EBF4: variants seen among roughly 807,000 people sequenced by gnomAD.
EBF4 encodes the protein EBF transcription factor 4.
In EBF4, 34 loss-of-function variants were observed where a neutral mutation model predicts 67.1. That is an observed-to-expected ratio of 0.51 (90% CI 0.39 to 0.67). The LOEUF is 0.67. EBF4 is among the 30% of genes least tolerant of loss of function. The pLI is 0.00. For synonymous variants in EBF4, 387 were observed against 377.7 expected (o/e 1.02, Z -0.29); for missense variants, 837 against 873.3 (o/e 0.96, Z 0.52).
chr20:2,712,159 G>A (rs2087552991), intron 6 of EBF4, among the ~76,000 whole-genome samples: 1 of 152,198 alleles, frequency 6.6e-6, no homozygotes, highest in Non-Finnish European at 1.5e-5. Flanking sequence ...GCAGGACATG[G>A]AAGCCATTGA....
intron 6 of EBF4, among the ~76,000 whole-genome samples, chr20:2,724,270 T>C (rs535358606): frequency 1.5e-4 from 23 of 152,352 alleles, no homozygotes; most frequent in African/African-American, 5.5e-4. Flanking sequence ...ACCAGTACAC[T>C]ACTGATCTTA....
At chr20:2,748,068 G>A (rs183637953) in intron 6 of EBF4, among the ~76,000 whole-genome samples, 1 of 152,284 alleles carries the variant, frequency 6.6e-6, no homozygotes, top group Admixed American at 6.5e-5. Context: ...TTGTATAACA[G>A]ATGTGCTATA....
At chr20:2,753,961 C>CCCCCTTGGTTTTGAAACTTT (rs3842432) in intron 14 of EBF4, among the ~76,000 whole-genome samples, 132,106 of 151,450 alleles carry the variant, frequency 0.87, 57,638 homozygotes, top group African/African-American at 0.9. Context: ...TCTGTGGGCA[C>CCCCCTTGGTTTTGAAACTTT]CCCCTTGGGC....
At chr20:2,733,506 G>A (rs978097142) in intron 6 of EBF4, among the ~76,000 whole-genome samples, 15 of 152,018 alleles carry the variant, frequency 9.9e-5, no homozygotes, top group African/African-American at 3.4e-4. Flanking sequence ...ATATTTTTCT[G>A]TCCTGTTCCA....
In EBF4 at chr20:2,708,765, C is replaced by A. The variant is rs151231622; in HGVS notation, c.488+745C>A. Among the ~76,000 whole-genome samples the A allele has an allele frequency of 2.6e-4, 40 of 152,220 alleles. No homozygotes were observed. The East Asian group carries it at 7.4e-3, about 28-fold the overall frequency. On this transcript the variant is annotated intron_variant, in intron 5 of 16. Coordinates refer to ENST00000609451, the Ensembl canonical transcript of EBF4. ...TAAAATAAATTTAAATTAAATAAAT[C>A]TGTGGTTGGAACTGTGGCTACCCTT...
chr20:2,752,448 TG>T lies in EBF4; in HGVS notation c.1445del (p.Gly482AlafsTer65). Reference sequence around the variant, plus strand: ...GCGGCTACGGCGGCGGCCTCGGAGCTGGCCTGGGCGGCTACGGCGCGCCGGG... The same window carrying T: ...GCGGCTACGGCGGCGGCCTCGGAGCTGCCTGGGCGGCTACGGCGCGCCGGG... On this transcript the variant is annotated frameshift_variant, in exon 14 of 17. Coordinates refer to ENST00000609451, the Ensembl canonical transcript of EBF4. LOFTEE classifies it high-confidence loss of function. 1 of 1,275,386 alleles carries T rather than the reference TG, an allele frequency of 7.8e-7. No individual in the cohort carries two copies. The highest frequency in any genetic ancestry group is 9.9e-7 in the Non-Finnish European group (1 of 1,011,936). The allele number at this position is 1,275,386 out of a possible 1,614,324, so 79.0% of individuals were successfully genotyped here.
At chr20:2,715,180 T>C (rs1205872304) in intron 6 of EBF4, among the ~76,000 whole-genome samples, 2 of 152,108 alleles carry the variant, frequency 1.3e-5, no homozygotes, top group African/African-American at 4.8e-5. Flanking sequence ...ACCTGGCTTG[T>C]TAAAAAAAAA....
chr20:2,698,843 C>A (rs1247354623), intron 1 of EBF4, among the ~76,000 whole-genome samples: 1 of 152,062 alleles, frequency 6.6e-6, no homozygotes, highest in Non-Finnish European at 1.5e-5. Context: ...ATCAAGGCAG[C>A]CAGGAGTTAG....
intron 1 of EBF4, among the ~76,000 whole-genome samples, chr20:2,694,648 G>A (rs1335470343): frequency 6.6e-6 from 1 of 152,200 alleles, no homozygotes; most frequent in Non-Finnish European, 1.5e-5. Flanking sequence ...GCTGACAGCT[G>A]GGACAGGGTG....
intron 1 of EBF4, among the ~76,000 whole-genome samples, chr20:2,704,781 AG>A (rs1400439854): frequency 6.6e-6 from 1 of 152,174 alleles, no homozygotes; most frequent in Non-Finnish European, 1.5e-5. Context: ...ATTTGCTCCT[AG>A]CCCCAGTTGT....
At chr20:2,741,053 G>A (rs560159123) in intron 6 of EBF4, among the ~76,000 whole-genome samples, 1 of 152,288 alleles carries the variant, frequency 6.6e-6, no homozygotes, top group African/African-American at 2.4e-5. Flanking sequence ...GCTCATGCCT[G>A]TAATCTCAGC....
chr20:2,726,183 T>C (rs2087744302), intron 6 of EBF4, among the ~76,000 whole-genome samples: 1 of 152,326 alleles, frequency 6.6e-6, no homozygotes, highest in East Asian at 1.9e-4. Context: ...CCAAATGTAA[T>C]TGTATGTTTT....
At position 2,747,313 on chromosome 20, in the gene EBF4, C is replaced by CAAAAAA. The variant is rs1415178435; in HGVS notation, c.558-1233_558-1232insAAAAAA. ...CTCTGTCTCAAAACAAAAAACAAAA[C>CAAAAAA]AAACAAAAAAAAAAAAACAGGAAAA... is the stretch of plus-strand genomic sequence containing the variant. On this transcript the variant is annotated intron_variant, in intron 6 of 16. Coordinates refer to ENST00000609451, the Ensembl canonical transcript of EBF4. This position sits in a 1 kb window ranked among gnomAD's most constrained non-coding sequence, Gnocchi z 4.6. Among the ~76,000 whole-genome samples the CAAAAAA allele has an allele frequency of 1.6e-5, 2 of 123,296 alleles. No homozygotes were observed. The highest frequency in any genetic ancestry group is 8.0e-5 in the Admixed American group (1 of 12,488). The allele number at this position is 123,296 out of a possible 152,430, so 80.9% of individuals were successfully genotyped here. A position where few individuals can be genotyped will look rare whatever the true frequency, so the allele number is the denominator to read the frequency against.
At position 2,751,229 on chromosome 20, in the gene EBF4, G is replaced by T. The variant is rs1463545993; in HGVS notation, c.1019-471G>T. 3.3e-5 allele frequency among the ~76,000 whole-genome samples: 5 copies of T among 152,292 alleles called. No homozygotes were observed. The highest frequency in any genetic ancestry group is 1.2e-4 in the African/African-American group (5 of 41,566). On this transcript the variant is annotated intron_variant, in intron 10 of 16. Transcript: ENST00000609451. The surrounding 1 kb of genome is among the most constrained non-coding windows in gnomAD (Gnocchi z 5.2). ...CCACTTCTCCAGTTGCTTCCCTGGG[G>T]TGCATGCAAACCTCTAGCCTTCAGA...
At chr20:2,737,095 A>G (rs1441173230) in intron 6 of EBF4, among the ~76,000 whole-genome samples, 1 of 151,370 alleles carries the variant, frequency 6.6e-6, no homozygotes, top group Non-Finnish European at 1.5e-5. Flanking sequence ...TAAAAATACC[A>G]AAAAATTAGC....
At chr20:2,712,355 T>C (rs1168473455) in intron 6 of EBF4, among the ~76,000 whole-genome samples, 1 of 152,122 alleles carries the variant, frequency 6.6e-6, no homozygotes, top group African/African-American at 2.4e-5. Flanking sequence ...CTGCATTCTG[T>C]GTACATTTCA....
chr20:2,696,797 C>G lies in EBF4; in HGVS notation c.137+3015C>G, dbSNP rs1212434153. Among the ~76,000 whole-genome samples, 1 of 152,186 alleles carries G rather than the reference C, an allele frequency of 6.6e-6. No individual in the cohort carries two copies. Among genetic ancestry groups the G allele is most frequent in the Non-Finnish European group, 1.5e-5 (1 of 68,026 alleles). ...CTCTTTCTGTGCCCTCCCACCCTGC[C>G]CACGGGAGTGGCTTTAATGCTGCCT... On this transcript the variant is annotated intron_variant, in intron 1 of 16. Transcript: ENST00000609451. This position sits in a 1 kb window ranked among gnomAD's most constrained non-coding sequence, Gnocchi z 4.7.
chr20:2,744,773 C>T (rs868568544), intron 6 of EBF4, among the ~76,000 whole-genome samples: 238 of 151,866 alleles, frequency 1.6e-3, no homozygotes, highest in African/African-American at 4.2e-3. Context: ...ATTACAGGCA[C>T]GAGCCACTGA....
intron 6 of EBF4, among the ~76,000 whole-genome samples, chr20:2,727,687 C>T (rs762243279): frequency 2.7e-4 from 41 of 152,174 alleles, no homozygotes; most frequent in Non-Finnish European, 2.5e-4. Context: ...ATTTAAAAAT[C>T]CCACCAACAA....
Sources: allele counts gnomAD v4.1 joint callset (sites outside exome capture counted in the v4.1 genomes callset), GRCh38; gene constraint gnomAD v4.1.1; non-coding constraint Gnocchi (gnomAD v3.1); transcripts MANE v1.5; gene names NCBI Gene and HGNC (gene_info 2026-07-23, HGNC 2026-07-21).